Variants in ADGRD1 observed in about 807,000 individuals in gnomAD.
The protein encoded by ADGRD1 is adhesion G protein-coupled receptor D1, also known as G-protein coupled receptor 133.
In ADGRD1, 77 loss-of-function variants were observed where a neutral mutation model predicts 113.4. The ratio of observed to expected loss-of-function variants is 0.68; its 90% CI spans 0.57 to 0.82. The LOEUF (loss-of-function observed/expected upper bound fraction) is 0.82, where lower values mean the gene tolerates loss of function less well. Among genes scored for constraint, ADGRD1 ranks in the 40% least tolerant of loss-of-function variants. The pLI is 0.00. For synonymous variants in ADGRD1, 474 were observed against 475.0 expected, an observed-to-expected ratio of 1.00 and a Z score of 0.03; for missense variants, 1,036 against 1,139.1, an observed-to-expected ratio of 0.91 and a Z score of 1.30.
chr12:131,017,909 G>A (rs1054566230), intron 13 of ADGRD1, among the ~76,000 whole-genome samples: 21 of 148,740 alleles, frequency 1.4e-4, no homozygotes, highest in African/African-American at 5.2e-4. Flanking sequence ...CACAACCAGT[G>A]CACACACACC....
At chr12:130,985,981 T>A (rs2136620436) in intron 5 of ADGRD1, among the ~76,000 whole-genome samples, 1 of 152,194 alleles carries the variant, frequency 6.6e-6, no homozygotes, top group African/African-American at 2.4e-5. Context: ...GTATTTTTAT[T>A]GGTCTATCTC....
chr12:131,006,876 C>A (rs1476879738), intron 12 of ADGRD1, among the ~76,000 whole-genome samples: 4 of 152,124 alleles, frequency 2.6e-5, no homozygotes, highest in Admixed American at 2.6e-4. Flanking sequence ...TGTGTGATTT[C>A]CAAAATTCTT....
chr12:131,025,533 A>T (rs1480813445), intron 13 of ADGRD1: 1 of 150,252 alleles, frequency 6.7e-6, no homozygotes, highest in Non-Finnish European at 1.5e-5. Flanking sequence ...CGAGGCTGAG[A>T]TGCCTTCTTT....
chr12:131,116,511 C>T (rs1950467098), intron 18 of ADGRD1, among the ~76,000 whole-genome samples: 1 of 152,260 alleles, frequency 6.6e-6, no homozygotes, highest in Non-Finnish European at 1.5e-5. Context: ...ACTCTGCCCC[C>T]AGAGGGCACT....
In ADGRD1 at chr12:131,029,903, C is replaced by T. The variant is rs767779959; in HGVS notation, c.1473+15563C>T. Among the ~76,000 whole-genome samples the T allele has an allele frequency of 6.5e-3, 650 of 100,478 alleles. 14 individuals are homozygous for T. The highest frequency in any genetic ancestry group is 0.026 in the African/African-American group (609 of 23,098). The allele number at this position is 100,478 out of a possible 152,430, so 65.9% of individuals were successfully genotyped here. On this transcript the variant is annotated intron_variant, in intron 13 of 24. Coordinates refer to ENST00000261654, the MANE Select transcript of ADGRD1 (RefSeq NM_198827.5). ...GGGATTAGGTTGTGGACCCCTCGTT[C>T]GGTGACATTCCCAGGCTCTGGGGTT...
rs1030285936 is a variant in ADGRD1 at position 131,111,523 on chromosome 12, C to T, written c.2041+2646C>T. Among the ~76,000 whole-genome samples, 4 of 152,250 alleles carry T rather than the reference C, an allele frequency of 2.6e-5. No individual in the cohort carries two copies. The East Asian group carries it at 7.7e-4, about 29-fold the overall frequency. On this transcript the variant is annotated intron_variant, in intron 18 of 24. Coordinates refer to ENST00000261654, the MANE Select transcript of ADGRD1 (RefSeq NM_198827.5). The stretch of plus-strand genomic sequence containing the variant: ...CTCTATCTCCTGTCTTTCTAATATT[C>T]CCATTATGAGTAGGTTGGTGTGCTT...
intron 13 of ADGRD1, among the ~76,000 whole-genome samples, chr12:131,063,807 T>A (rs1238083734): frequency 6.6e-6 from 1 of 152,226 alleles, no homozygotes; most frequent in African/African-American, 2.4e-5. Context: ...AGAGTAAGAT[T>A]TTCTGTGTCT....
intron 12 of ADGRD1, among the ~76,000 whole-genome samples, chr12:131,012,573 C>G (rs936184687): frequency 7.9e-5 from 12 of 152,204 alleles, no homozygotes; most frequent in African/African-American, 2.7e-4. Context: ...TGGAGGCCTG[C>G]TCTTTCTCAG....
At chr12:131,093,387 G>C (rs1372620527) in intron 15 of ADGRD1, among the ~76,000 whole-genome samples, 1 of 152,204 alleles carries the variant, frequency 6.6e-6, no homozygotes, top group Non-Finnish European at 1.5e-5. Flanking sequence ...GGCACACCAC[G>C]CCTTCCTGAG....
rs571452575 is a variant in ADGRD1 at position 131,092,579 on chromosome 12, C to G, written c.1671+7916C>G. Among the ~76,000 whole-genome samples the G allele has an allele frequency of 2.6e-4, 39 of 152,248 alleles. No homozygotes were observed. The South Asian group carries it at 7.2e-3, about 28-fold the overall frequency. ...GCCACTTCCTCCCAGGCGGCCACTTCCCAGGCTTCAGGCATGGGAAGCGTC... is the reference window on the plus strand; with the variant it reads ...GCCACTTCCTCCCAGGCGGCCACTTGCCAGGCTTCAGGCATGGGAAGCGTC... On this transcript the variant is annotated intron_variant, in intron 15 of 24. Transcript: ENST00000261654.
chr12:130,981,905 G>A lies in ADGRD1; in HGVS notation c.332G>A (p.Trp111Ter). 2 of 1,610,782 alleles carry A rather than the reference G, an allele frequency of 1.2e-6. No individual in the cohort carries two copies. Among genetic ancestry groups the A allele is most frequent in the Non-Finnish European group, 1.7e-6 (2 of 1,178,268 alleles). Residue 111 changes from tryptophan to a stop codon, truncating the protein, a stop_gained, in exon 5 of 25, where the codon TGG becomes TAG. Coordinates refer to ENST00000261654, the MANE Select transcript of ADGRD1 (RefSeq NM_198827.5). LOFTEE classifies it high-confidence loss of function. ...GPEGVTFSFF[W>*]KTQGEQSRPI... ...TCAGGGGTCACGTTTTCTTTTTTCT[G>A]GAAGACACAAGGAGAACAGTCTAGA...
chr12:131,073,793 GA>G lies in ADGRD1; in HGVS notation c.1474-3007del, dbSNP rs77788480. 2.3e-3 allele frequency among the ~76,000 whole-genome samples: 356 copies of G among 152,314 alleles called. 17 individuals are homozygous for G. In the East Asian group the frequency reaches 0.062, roughly 27 times the overall value. On this transcript the variant is annotated intron_variant, in intron 13 of 24. Transcript: ENST00000261654. ...TGTGAGTGAAAGAGACTGCAAGAGC[GA>G]GTCGAGCTTGCTTTTTGTATCAACC...
intron 21 of ADGRD1, among the ~76,000 whole-genome samples, chr12:131,132,634 G>C (rs1950967382): frequency 6.6e-6 from 1 of 152,196 alleles, no homozygotes; most frequent in Non-Finnish European, 1.5e-5. Context: ...CCACGGGGGA[G>C]TCCCTGTCCC....
At chr12:131,048,752 C>T (rs1187121792) in intron 13 of ADGRD1, among the ~76,000 whole-genome samples, 3 of 152,190 alleles carry the variant, frequency 2.0e-5, no homozygotes, top group Non-Finnish European at 1.5e-5. Flanking sequence ...CAGATGCTGG[C>T]GTGGCCCTCC....
At chr12:131,109,813 T>C (rs1950311990) in intron 18 of ADGRD1, among the ~76,000 whole-genome samples, 1 of 152,250 alleles carries the variant, frequency 6.6e-6, no homozygotes, top group Admixed American at 6.5e-5. Flanking sequence ...GTTCTGTCCA[T>C]TACTGAAGTA....
chr12:131,010,234 G>A (rs2136783737), intron 12 of ADGRD1, among the ~76,000 whole-genome samples: 1 of 152,336 alleles, frequency 6.6e-6, no homozygotes, highest in African/African-American at 2.4e-5. Context: ...TTCACACTGT[G>A]TTCCCAGGGT....
At chr12:131,094,910 G>A (rs888754702) in intron 15 of ADGRD1, among the ~76,000 whole-genome samples, 28 of 152,270 alleles carry the variant, frequency 1.8e-4, no homozygotes, top group South Asian at 6.2e-4. Flanking sequence ...GAGCTCACCC[G>A]GGGGAGGCGC....
At chr12:131,029,491 T>C (rs1333952813) in intron 13 of ADGRD1, among the ~76,000 whole-genome samples, 17 of 132,500 alleles carry the variant, frequency 1.3e-4, no homozygotes, top group South Asian at 7.7e-4. Flanking sequence ...GTTGTGGGAC[T>C]CTCGTACGGT....
chr12:131,137,992 TG>T, intron 23 of ADGRD1, 144 bp from the exon 24 acceptor site: 1 of 671,490 alleles, frequency 1.5e-6, no homozygotes, highest in Non-Finnish European at 2.7e-6. Flanking sequence ...ACAGCTCAGC[TG>T]TGGAGCCAGC....
Sources: allele counts gnomAD v4.1 joint callset (sites outside exome capture counted in the v4.1 genomes callset), GRCh38; gene constraint gnomAD v4.1.1; transcripts MANE v1.5; gene names NCBI Gene and HGNC (gene_info 2026-07-23, HGNC 2026-07-21).